FRAS1: variants seen among roughly 807,000 people sequenced by gnomAD.
FRAS1 encodes Fraser extracellular matrix complex subunit 1, also known as extracellular matrix organizing protein FRAS1.
A neutral mutation model predicts 435.2 loss-of-function variants in FRAS1; 290 were observed. That is an observed-to-expected ratio of 0.67 (90% CI 0.61 to 0.73). The LOEUF is 0.73. Among genes scored for constraint, FRAS1 ranks in the 30% least tolerant of loss-of-function variants. The probability of loss-of-function intolerance (pLI) is 0.00; values close to 1 mark genes in which losing one functional copy is unlikely to be tolerated. For synonymous variants in FRAS1, 1,800 were observed against 1,851.0 expected (o/e 0.97, Z 0.71); for missense variants, 4,860 against 5,001.5 (o/e 0.97, Z 0.85).
intron 50 of FRAS1, among the ~76,000 whole-genome samples, chr4:78,467,196 T>C (rs1719559284): frequency 6.6e-6 from 1 of 152,202 alleles, no homozygotes; most frequent in South Asian, 2.1e-4. Context: ...TAACTTTTTT[T>C]TCTTACCCAT....
rs1726039199 is a variant in FRAS1, at chr4:78,260,588, T to C, written c.604-4437T>C. The stretch of plus-strand genomic sequence containing the variant: ...GACTTTGCTGAAGTTGCTTATCAGC[T>C]TAAGGAGATTTTGGGCTGAGACAAT... On this transcript the variant is annotated intron_variant, in intron 6 of 73. Transcript: ENST00000512123. Among the ~76,000 whole-genome samples the C allele has an allele frequency of 2.0e-5, 3 of 152,056 alleles. 1 individual carries two copies. In the South Asian group the frequency reaches 6.2e-4, roughly 32 times the overall value.
Position 78,333,479 on chromosome 4 carries a change from A to G in FRAS1, c.2278+67A>G, listed in dbSNP as rs992158143. 3.4e-6 allele frequency: 5 copies of G among 1,487,394 alleles called. No homozygotes were observed. The African/African-American group carries it at 7.1e-5, about 21-fold the overall frequency. The allele number at this position is 1,487,394 out of a possible 1,614,324, so 92.1% of individuals were successfully genotyped here. A position where few individuals can be genotyped will look rare whatever the true frequency, so the allele number is the denominator to read the frequency against. ...TTTTGTCTTCAGAGCATAGCCAGAC[A>G]CTGTAATTAGAAACCTTGTCATACC... On this transcript the variant is annotated intron_variant, in intron 19 of 73. Coordinates refer to ENST00000512123, the MANE Select transcript of FRAS1 (RefSeq NM_025074.7).
chr4:78,320,517 G>A (rs1172574049), intron 18 of FRAS1, among the ~76,000 whole-genome samples: 1 of 152,112 alleles, frequency 6.6e-6, no homozygotes, highest in Admixed American at 6.5e-5. Context: ...TGCCAGACAA[G>A]CTTCCTCCAG....
At chr4:78,378,565 A>G (rs1268759839) in intron 26 of FRAS1, among the ~76,000 whole-genome samples, 1 of 152,144 alleles carries the variant, frequency 6.6e-6, no homozygotes, top group Non-Finnish European at 1.5e-5. Context: ...TGATTTCTCC[A>G]CGACCTAACA....
At chr4:78,084,584 G>A (rs1249873531) in intron 2 of FRAS1, among the ~76,000 whole-genome samples, 1 of 152,062 alleles carries the variant, frequency 6.6e-6, no homozygotes, top group Non-Finnish European at 1.5e-5. Flanking sequence ...CCCATCTTTG[G>A]ATAGTGAGAA....
intron 2 of FRAS1, among the ~76,000 whole-genome samples, chr4:78,194,694 T>G (rs1275479052): frequency 6.6e-6 from 1 of 152,190 alleles, no homozygotes; most frequent in Non-Finnish European, 1.5e-5. Flanking sequence ...TCAAGGTTTT[T>G]AACTTCTTTG....
intron 9 of FRAS1, among the ~76,000 whole-genome samples, chr4:78,277,584 A>G (rs1727115317): frequency 6.6e-6 from 1 of 152,200 alleles, no homozygotes; most frequent in Non-Finnish European, 1.5e-5. Flanking sequence ...ATGTTAGTGT[A>G]TACACATGAA....
At chr4:78,312,946 T>C (rs1363464763) in intron 15 of FRAS1, among the ~76,000 whole-genome samples, 1 of 152,060 alleles carries the variant, frequency 6.6e-6, no homozygotes, top group African/African-American at 2.4e-5. Context: ...GAGTTATAGA[T>C]TAGTTTGGGA....
chr4:78,373,265 A>T (rs569795500), intron 24 of FRAS1, among the ~76,000 whole-genome samples: 1 of 151,948 alleles, frequency 6.6e-6, no homozygotes, highest in Non-Finnish European at 1.5e-5. Flanking sequence ...GCTCACAATC[A>T]TCTGTCTCTG....
At chr4:78,133,397 G>A (rs576267630) in intron 2 of FRAS1, among the ~76,000 whole-genome samples, 1 of 152,134 alleles carries the variant, frequency 6.6e-6, no homozygotes, top group South Asian at 2.1e-4. Context: ...GTGGGAGGGA[G>A]GTAGGGAAGG....
intron 44 of FRAS1, among the ~76,000 whole-genome samples, chr4:78,449,667 C>T (rs182350803): frequency 6.6e-6 from 1 of 152,286 alleles, no homozygotes; most frequent in East Asian, 1.9e-4. Context: ...CTCCTAACAT[C>T]CTCTGTCCTG....
At position 78,539,251 on chromosome 4, in the gene FRAS1, A is replaced by G. The variant is rs764737707; in HGVS notation, c.11299-43A>G. ...CACTGCCACCTACCAATATAGTGGA[A>G]CCATCTTTCTAAATCTTGCATTTCT... On this transcript the variant is annotated intron_variant, in intron 72 of 73. Coordinates refer to ENST00000512123, the MANE Select transcript of FRAS1 (RefSeq NM_025074.7). 3.1e-6 allele frequency: 5 copies of G among 1,595,660 alleles called. No homozygotes were observed. In the Admixed American group the frequency reaches 7.1e-5, roughly 23 times the overall value.
chr4:78,075,569 A>G (rs1469204940), intron 2 of FRAS1, among the ~76,000 whole-genome samples: 1 of 152,200 alleles, frequency 6.6e-6, no homozygotes, highest in African/African-American at 2.4e-5. Context: ...GAAGTGGCAG[A>G]GCTCCAGATT....
intron 2 of FRAS1, among the ~76,000 whole-genome samples, chr4:78,096,805 A>G (rs1459199028): frequency 6.6e-6 from 1 of 152,202 alleles, no homozygotes; most frequent in Non-Finnish European, 1.5e-5. Flanking sequence ...CCTGTGATGG[A>G]AGGGGCTGCT....
intron 2 of FRAS1, among the ~76,000 whole-genome samples, chr4:78,117,623 C>T (rs1040684906): frequency 6.6e-6 from 1 of 152,202 alleles, no homozygotes; most frequent in African/African-American, 2.4e-5. Flanking sequence ...TTGATCGAAT[C>T]AGCTACTGAG....
chr4:78,529,058 C>T (rs1721631847), intron 70 of FRAS1, among the ~76,000 whole-genome samples: 1 of 152,018 alleles, frequency 6.6e-6, no homozygotes. Flanking sequence ...CATAATGGGC[C>T]TATGAAGAGT....
chr4:78,539,508 A>C, intron 73 of FRAS1, 68 bp downstream of exon 73: 3 of 1,169,166 alleles, frequency 2.6e-6, no homozygotes, highest in East Asian at 2.4e-5. Flanking sequence ...AAAAAAAAAA[A>C]AGAAGGAGGA....
intron 45 of FRAS1, 165 bp downstream of exon 45, chr4:78,450,504 T>C: frequency 1.6e-6 from 1 of 620,852 alleles, no homozygotes; most frequent in South Asian, 2.1e-5. Context: ...TTCTTTTTGT[T>C]TTTAAAAAAG....
At chr4:78,261,025 CT>C (rs1231424980) in intron 6 of FRAS1, among the ~76,000 whole-genome samples, 5 of 152,078 alleles carry the variant, frequency 3.3e-5, no homozygotes, top group African/African-American at 1.2e-4. Context: ...CCAGAAATAT[CT>C]ATGACTCTTA....
Sources: allele counts gnomAD v4.1 joint callset (sites outside exome capture counted in the v4.1 genomes callset), GRCh38; gene constraint gnomAD v4.1.1; transcripts MANE v1.5; gene names NCBI Gene and HGNC (gene_info 2026-07-23, HGNC 2026-07-21).